Variants in SGCZ observed in about 807,000 individuals in gnomAD.
The protein encoded by SGCZ is sarcoglycan zeta, also known as zeta-sarcoglycan.
In SGCZ, 40 loss-of-function variants were observed where a neutral mutation model predicts 41.3. The observed-to-expected ratio is 0.97, with a 90% CI of 0.75 to 1.26. The LOEUF (loss-of-function observed/expected upper bound fraction) is 1.26, where lower values mean the gene tolerates loss of function less well. SGCZ is among the 50% of genes most tolerant of loss of function. The pLI is 0.00. For missense variants in SGCZ, 552 were observed against 369.8 expected (o/e 1.49, Z -4.04); for synonymous variants, 206 against 137.5 (o/e 1.50, Z -3.49).
At position 14,102,473 on chromosome 8, in the gene SGCZ, A is replaced by G. The variant is rs202033180; in HGVS notation, c.647T>C (p.Ile216Thr). The change falls in exon 7 of 8, where the codon ATC (isoleucine) becomes ACC (threonine). Residue 216 changes from isoleucine to threonine, a missense_variant. Physicochemically the swap from Ile to Thr is moderately conservative, Grantham distance 89. Coordinates refer to ENST00000382080, the MANE Select transcript of SGCZ (RefSeq NM_139167.4). ...CTGGACCCCACGGGGAGCTTCCATG[A>G]TCAAGGATCTGGTGGGTGATTCAAG... The part of the protein sequence containing the change: ...LRLESPTRSL[I>T]MEAPRGVQVS... 1 of 1,488,692 alleles carries G rather than the reference A, an allele frequency of 6.7e-7. No individual in the cohort carries two copies. The highest frequency in any genetic ancestry group is 1.9e-5 in the Admixed American group (1 of 53,812). The allele number at this position is 1,488,692 out of a possible 1,614,324, so 92.2% of individuals were successfully genotyped here. A position where few individuals can be genotyped will look rare whatever the true frequency, so the allele number is the denominator to read the frequency against.
chr8:14,109,513 C>T (rs993382614), intron 5 of SGCZ, among the ~76,000 whole-genome samples: 2 of 152,058 alleles, frequency 1.3e-5, no homozygotes, highest in African/African-American at 4.8e-5. Flanking sequence ...CATACCTGTT[C>T]CATCAGTGGC....
In SGCZ at chr8:15,037,230, G is replaced by A. The variant is rs577012644; in HGVS notation, c.39+200355C>T. ...AGATAACTGAATCATAATGGAGGCG[G>A]TTACCCCCATGCTAATCTCGTGATA... On this transcript the variant is annotated intron_variant, in intron 1 of 7. Transcript: ENST00000382080. 2.7e-4 allele frequency among the ~76,000 whole-genome samples: 41 copies of A among 152,212 alleles called. 1 individual carries two copies. The South Asian group carries it at 3.5e-3, about 13-fold the overall frequency.
intron 1 of SGCZ, among the ~76,000 whole-genome samples, chr8:15,021,653 G>A (rs1803252473): frequency 6.6e-6 from 1 of 152,176 alleles, no homozygotes; most frequent in Admixed American, 6.5e-5. Flanking sequence ...GATGTGACGT[G>A]TTAATCCACA....
intron 1 of SGCZ, among the ~76,000 whole-genome samples, chr8:14,770,691 T>C (rs1263439802): frequency 6.6e-6 from 1 of 152,138 alleles, no homozygotes; most frequent in Admixed American, 6.5e-5. Flanking sequence ...ACCTGTATAG[T>C]ATGCCATAAA....
At chr8:14,424,949 A>T (rs984311831) in intron 2 of SGCZ, among the ~76,000 whole-genome samples, 1 of 152,210 alleles carries the variant, frequency 6.6e-6, no homozygotes, top group Non-Finnish European at 1.5e-5. Flanking sequence ...ATATGTTTCC[A>T]AAATATTTAT....
chr8:15,065,413 GTAATTATTATTA>G (rs1805094893), intron 1 of SGCZ, among the ~76,000 whole-genome samples: 1 of 125,174 alleles, frequency 8.0e-6, no homozygotes, highest in African/African-American at 3.0e-5. Context: ...ACATGGTATT[GTAATTATTATTA>G]TTATTATTAT....
At chr8:14,846,428 G>C (rs1264757344) in intron 1 of SGCZ, among the ~76,000 whole-genome samples, 2 of 151,850 alleles carry the variant, frequency 1.3e-5, no homozygotes, top group African/African-American at 4.8e-5. Flanking sequence ...ACGTATCCCA[G>C]CAAGACTGAT....
At chr8:15,182,867 A>G (rs780405630) in intron 1 of SGCZ, among the ~76,000 whole-genome samples, 1 of 152,250 alleles carries the variant, frequency 6.6e-6, no homozygotes, top group Non-Finnish European at 1.5e-5. Flanking sequence ...ACACAAACAC[A>G]TTGTACGGCT....
chr8:15,226,307 C>A (rs968199422), intron 1 of SGCZ, among the ~76,000 whole-genome samples: 1 of 152,108 alleles, frequency 6.6e-6, no homozygotes, highest in East Asian at 1.9e-4. Flanking sequence ...AGAAATCTGA[C>A]CAAACTGTCA....
At position 14,164,645 on chromosome 8, in the gene SGCZ, C is replaced by G; in HGVS notation, c.482G>C (p.Gly161Ala). ...TTCATCTGCAGAAAACAGCACCCTG[C>G]CATCTTCACTGGCTCTCACTTCAAA... Reference protein sequence around the residue: ...KRFEVRASEDGRVLFSADEDE... With the variant: ...KRFEVRASEDARVLFSADEDE... Residue 161 changes from glycine to alanine, a missense_variant, in exon 5 of 8, where the codon GGC (glycine) becomes GCC (alanine). Physicochemically the swap from Gly to Ala is moderately conservative, Grantham distance 60. Transcript: ENST00000382080. The G allele has an allele frequency of 6.2e-7, 1 of 1,613,624 alleles. No homozygotes were observed.
chr8:15,068,434 G>T (rs531472257), intron 1 of SGCZ, among the ~76,000 whole-genome samples: 1 of 152,270 alleles, frequency 6.6e-6, no homozygotes, highest in African/African-American at 2.4e-5. Context: ...AACCATGTCA[G>T]GGATTGGGCT....
chr8:14,391,219 G>T (rs1311528967), intron 2 of SGCZ, among the ~76,000 whole-genome samples: 1 of 151,928 alleles, frequency 6.6e-6, no homozygotes, highest in East Asian at 1.9e-4. Context: ...ATGATCTTCT[G>T]TCATCATCAA....
chr8:14,598,722 T>C (rs1805494291), intron 1 of SGCZ, among the ~76,000 whole-genome samples: 1 of 151,928 alleles, frequency 6.6e-6, no homozygotes, highest in Admixed American at 6.6e-5. Context: ...TAGAGATATG[T>C]TTTTGCCAAG....
chr8:15,035,376 A>G (rs1005664846), intron 1 of SGCZ, among the ~76,000 whole-genome samples: 3 of 152,140 alleles, frequency 2.0e-5, no homozygotes, highest in Admixed American at 6.5e-5. Context: ...AAAGTATCGA[A>G]CCATGTCACT....
In SGCZ at chr8:14,553,207, A is replaced by C. The variant is rs113213706; in HGVS notation, c.234+1525T>G. 9.8e-3 allele frequency among the ~76,000 whole-genome samples: 1,493 copies of C among 152,072 alleles called. 20 individuals carry two copies. Among genetic ancestry groups the C allele is most frequent in the African/African-American group, 0.034 (1,421 of 41,500 alleles). On this transcript the variant is annotated intron_variant, in intron 2 of 7. Transcript: ENST00000382080. ...CTGAGAACAGAAATATGATGGCTAG[A>C]GTTGTTGATATTTGTGTCAAAATAT...
At chr8:14,387,086 A>G (rs1804603006) in intron 2 of SGCZ, among the ~76,000 whole-genome samples, 3 of 152,206 alleles carry the variant, frequency 2.0e-5, no homozygotes, top group Admixed American at 2.0e-4. Flanking sequence ...TTTTATAGAG[A>G]CAGGGTCTCA....
chr8:14,184,003 A>G (rs1403314516), intron 4 of SGCZ, among the ~76,000 whole-genome samples: 1 of 152,180 alleles, frequency 6.6e-6, no homozygotes, highest in Non-Finnish European at 1.5e-5. Flanking sequence ...AGGCCAATAT[A>G]TAAATATCGA....
chr8:14,546,480 A>T (rs2117165408), intron 2 of SGCZ, among the ~76,000 whole-genome samples: 1 of 152,270 alleles, frequency 6.6e-6, no homozygotes, highest in Non-Finnish European at 1.5e-5. Flanking sequence ...TGTTTCTTTT[A>T]TAAAGGTGCC....
intron 1 of SGCZ, among the ~76,000 whole-genome samples, chr8:14,931,109 G>A (rs1218707162): frequency 1.3e-5 from 2 of 151,976 alleles, no homozygotes; most frequent in African/African-American, 4.8e-5. Context: ...GGCTTTTAAC[G>A]AGGTGTCTTA....
Sources: allele counts gnomAD v4.1 joint callset (sites outside exome capture counted in the v4.1 genomes callset), GRCh38; gene constraint gnomAD v4.1.1; transcripts MANE v1.5; gene names NCBI Gene and HGNC (gene_info 2026-07-23, HGNC 2026-07-21).